SHISA9: variants seen among roughly 807,000 people sequenced by gnomAD.
SHISA9 encodes shisa family member 9.
Under a neutral mutation model 38.0 loss-of-function variants are expected in SHISA9, and 13 were observed. That is an observed-to-expected ratio of 0.34 (90% confidence interval 0.22 to 0.54). SHISA9 has a LOEUF of 0.54. SHISA9 is among the 20% of genes least tolerant of loss of function. The probability of loss-of-function intolerance (pLI) is 0.91; values close to 1 mark genes in which losing one functional copy is unlikely to be tolerated. For missense variants in SHISA9, 538 were observed against 575.8 expected (o/e 0.93, Z 0.67); for synonymous variants, 275 against 242.0 (o/e 1.14, Z -1.27).
the SHISA9 span, among the ~76,000 whole-genome samples, chr16:13,359,538 C>T: frequency 1.3e-5 from 2 of 152,054 alleles, no homozygotes; most frequent in South Asian, 2.1e-4. Flanking sequence ...ATTTTTTGCT[C>T]AGAACTGGCA....
the SHISA9 span, among the ~76,000 whole-genome samples, chr16:13,261,328 A>T: frequency 1.3e-5 from 2 of 152,266 alleles, no homozygotes; most frequent in Admixed American, 1.3e-4. Flanking sequence ...AATGATCCTG[A>T]TAGCGGTGGT....
the SHISA9 span, among the ~76,000 whole-genome samples, chr16:13,341,752 G>A: frequency 4.6e-5 from 7 of 152,060 alleles, no homozygotes; most frequent in Non-Finnish European, 7.4e-5. Context: ...CTATTCAAAG[G>A]CAAAACTCTC....
At chr16:13,183,670 C>G (rs1434118453) in intron 2 of SHISA9, among the ~76,000 whole-genome samples, 1 of 152,194 alleles carries the variant, frequency 6.6e-6, no homozygotes, top group Non-Finnish European at 1.5e-5. Flanking sequence ...GTGAATAACT[C>G]TATTAGGTTC....
the SHISA9 span, among the ~76,000 whole-genome samples, chr16:13,387,930 G>GAA: frequency 6.8e-6 from 1 of 147,092 alleles, no homozygotes; most frequent in Non-Finnish European, 1.5e-5. Context: ...TCCCCTCCTA[G>GAA]AAAAAAAAAA....
chr16:13,532,989 C>T, the SHISA9 span, among the ~76,000 whole-genome samples: 1 of 152,148 alleles, frequency 6.6e-6, no homozygotes, highest in Admixed American at 6.5e-5. Flanking sequence ...CCTTACTTAC[C>T]TCATTACTCT....
At chr16:13,147,821 T>G (rs2050460912) in intron 2 of SHISA9, among the ~76,000 whole-genome samples, 1 of 152,190 alleles carries the variant, frequency 6.6e-6, no homozygotes, top group African/African-American at 2.4e-5. Flanking sequence ...TTTTTCTTTT[T>G]GTTTTGTTTC....
the SHISA9 span, among the ~76,000 whole-genome samples, chr16:13,279,289 G>A: frequency 6.6e-6 from 1 of 151,816 alleles, no homozygotes; most frequent in Non-Finnish European, 1.5e-5. Context: ...TAAATTTATT[G>A]AGGCTTGTTT....
chr16:13,283,705 G>T, the SHISA9 span, among the ~76,000 whole-genome samples: 6 of 151,852 alleles, frequency 4.0e-5, no homozygotes, highest in Admixed American at 1.3e-4. Flanking sequence ...TTTGGGTGGG[G>T]ACACAGCCAA....
At chr16:12,918,369 T>C (rs1009418648) in intron 2 of SHISA9, among the ~76,000 whole-genome samples, 6 of 152,064 alleles carry the variant, frequency 3.9e-5, no homozygotes, top group Non-Finnish European at 5.9e-5. Context: ...AGCAGAGAAA[T>C]TGAAAGGGTG....
chr16:13,425,067 T>C, the SHISA9 span, among the ~76,000 whole-genome samples: 1 of 152,240 alleles, frequency 6.6e-6, no homozygotes, highest in African/African-American at 2.4e-5. Flanking sequence ...TAGTTGCAGC[T>C]GGAGGCCATT....
chr16:13,291,032 A>G, the SHISA9 span, among the ~76,000 whole-genome samples: 6 of 152,082 alleles, frequency 3.9e-5, no homozygotes, highest in Non-Finnish European at 7.4e-5. Context: ...AGGACCTGAG[A>G]TCTAATCTCT....
chr16:13,171,225 C>A (rs2050683110), intron 2 of SHISA9, among the ~76,000 whole-genome samples: 2 of 152,098 alleles, frequency 1.3e-5, no homozygotes, highest in African/African-American at 4.8e-5. Flanking sequence ...GGGTACCAAG[C>A]CATTCATGAG....
intron 2 of SHISA9, among the ~76,000 whole-genome samples, chr16:13,033,343 T>C (rs1278774250): frequency 6.6e-6 from 1 of 152,200 alleles, no homozygotes; most frequent in Non-Finnish European, 1.5e-5. Flanking sequence ...GAATGAATAC[T>C]GGACAGGCAA....
At chr16:13,400,190 T>A in the SHISA9 span, among the ~76,000 whole-genome samples, 4 of 152,344 alleles carry the variant, frequency 2.6e-5, no homozygotes, top group South Asian at 8.3e-4. Flanking sequence ...AACTGGGGAA[T>A]AAATGTCCCA....
chr16:13,016,325 G>T lies in SHISA9; in HGVS notation c.691+99510G>T, dbSNP rs114437212. 4.4e-3 allele frequency among the ~76,000 whole-genome samples: 671 copies of T among 152,188 alleles called. 5 individuals carry two copies. The highest frequency in any genetic ancestry group is 0.016 in the African/African-American group (657 of 41,552). ...CTCTGACGGCTTCAACATCCCTGAT[G>T]CTTTAACCTGGAAAGTAGTCCTCAT... On this transcript the variant is annotated intron_variant, in intron 2 of 4. Transcript: ENST00000558583.
chr16:13,000,570 A>G (rs74012228), intron 2 of SHISA9, among the ~76,000 whole-genome samples: 70 of 152,278 alleles, frequency 4.6e-4, no homozygotes, highest in African/African-American at 1.6e-3. Context: ...GGTGGCTCCA[A>G]TGGCCCCAAG....
the SHISA9 span, among the ~76,000 whole-genome samples, chr16:13,253,611 G>C: frequency 6.6e-6 from 1 of 152,130 alleles, no homozygotes; most frequent in African/African-American, 2.4e-5. Flanking sequence ...CAGATCTCGT[G>C]AGACTTATTC....
intron 1 of SHISA9, among the ~76,000 whole-genome samples, chr16:12,914,590 T>C (rs1276259202): frequency 6.6e-6 from 1 of 152,138 alleles, no homozygotes; most frequent in Non-Finnish European, 1.5e-5. Context: ...CTTGCTGTTG[T>C]GGCTTCTCAC....
At chr16:12,970,469 G>GTA (rs781120776) in intron 2 of SHISA9, among the ~76,000 whole-genome samples, 276 of 24,028 alleles carry the variant, frequency 0.011, 5 homozygotes, top group African/African-American at 0.017. Context: ...ATATGTGTGT[G>GTA]TATATATATA....
Sources: gnomAD v4.1 joint callset for allele counts (sites outside exome capture counted in the v4.1 genomes callset) on GRCh38, gnomAD v4.1.1 for gene constraint, MANE v1.5 for transcripts, NCBI Gene and HGNC (gene_info 2026-07-23, HGNC 2026-07-21) for gene names.